The following ETS1 variants were observed in gnomAD, a reference collection of about 807,000 sequenced individuals.
ETS1 encodes the protein protein C-ets-1.
ETS1 carries 15 observed loss-of-function variants against 58.6 expected under a neutral mutation model. That is an observed-to-expected ratio of 0.26 (90% CI 0.17 to 0.39). The LOEUF is 0.39. Among genes scored for constraint, ETS1 ranks in the 10% least tolerant of loss-of-function variants. The pLI, the probability that ETS1 is intolerant of heterozygous loss-of-function variation, is 1.00. For synonymous variants in ETS1, 214 were observed against 218.2 expected, an observed-to-expected ratio of 0.98 and a Z score of 0.17; for missense variants, 417 against 610.5, an observed-to-expected ratio of 0.68 and a Z score of 3.34.
intron 3 of ETS1, among the ~76,000 whole-genome samples, chr11:128,547,134 A>G (rs766272838): frequency 5.8e-4 from 88 of 152,238 alleles, no homozygotes; most frequent in Non-Finnish European, 1.1e-3. Context: ...CTTGGGACTG[A>G]CCAGAGCAGG....
At chr11:128,499,943 G>C (rs1461901536) in intron 3 of ETS1, among the ~76,000 whole-genome samples, 1 of 152,230 alleles carries the variant, frequency 6.6e-6, no homozygotes, top group African/African-American at 2.4e-5. Context: ...GGCTGGAAGA[G>C]GTAAAGTTTT....
At position 128,484,817 on chromosome 11, in the gene ETS1, A is replaced by T. The variant is rs2135450390; in HGVS notation, c.862+6T>A. ...CAAGAGCTTTTAGAGAAGAAATATG[A>T]CCTACCACGACTGGTCCTCCCCATG... On this transcript the variant is annotated splice_donor_region_variant and intron_variant, in intron 7 of 9. Coordinates refer to ENST00000392668, the MANE Select transcript of ETS1 (RefSeq NM_001143820.2). 1.2e-6 allele frequency: 2 copies of T among 1,611,834 alleles called. No individual in the cohort carries two copies. Among genetic ancestry groups the T allele is most frequent in the East Asian group, 4.5e-5 (2 of 44,808 alleles).
intron 4 of ETS1, 121 bp downstream of exon 4, chr11:128,490,336 C>T: frequency 2.1e-6 from 2 of 966,488 alleles, no homozygotes; most frequent in South Asian, 3.1e-5. Flanking sequence ...GCAGCCATGG[C>T]CCATAGCTGC....
chr11:128,582,425 C>T (rs553758637), intron 1 of ETS1, among the ~76,000 whole-genome samples: 1 of 152,036 alleles, frequency 6.6e-6, no homozygotes, highest in African/African-American at 2.4e-5. Flanking sequence ...GTTATTATTG[C>T]TATTTTATCA....
intron 2 of ETS1, among the ~76,000 whole-genome samples, chr11:128,559,161 G>C (rs1465402857): frequency 1.3e-5 from 2 of 152,184 alleles, no homozygotes; most frequent in Non-Finnish European, 2.9e-5. Flanking sequence ...TAGGGTGGTG[G>C]GAACCTAAGA....
chr11:128,500,682 C>T (rs1863063928), intron 3 of ETS1, among the ~76,000 whole-genome samples: 1 of 152,106 alleles, frequency 6.6e-6, no homozygotes, highest in African/African-American at 2.4e-5. Flanking sequence ...CCCAGGGAAA[C>T]CACAATGAAA....
intron 3 of ETS1, among the ~76,000 whole-genome samples, chr11:128,510,231 C>G (rs2135498478): frequency 6.6e-6 from 1 of 152,304 alleles, no homozygotes; most frequent in South Asian, 2.1e-4. Flanking sequence ...CTTGAATCAC[C>G]AAAGACTCCA....
intron 3 of ETS1, among the ~76,000 whole-genome samples, chr11:128,533,415 T>C (rs1362515952): frequency 1.3e-5 from 2 of 152,172 alleles, no homozygotes; most frequent in Non-Finnish European, 2.9e-5. Flanking sequence ...TAAACTCCCT[T>C]AGATACTCCT....
chr11:128,491,905 T>C (rs919439764), intron 3 of ETS1, among the ~76,000 whole-genome samples: 1 of 152,208 alleles, frequency 6.6e-6, no homozygotes, highest in Non-Finnish European at 1.5e-5. Flanking sequence ...TGCACCTTAA[T>C]CTCTGCTATG....
chr11:128,585,052 GAAAGAAAGAAAGAAAGAAAGAAAGAGAAA>G (rs1864966620), intron 1 of ETS1, among the ~76,000 whole-genome samples: 1 of 19,964 alleles, frequency 5.0e-5, no homozygotes, highest in African/African-American at 4.9e-4. Flanking sequence ...AAGAAAGAAA[GAAAGAAAGAAAGAAAGAAAGAAAGAGAAA>G]GAAAGAAAGG....
intron 2 of ETS1, among the ~76,000 whole-genome samples, chr11:128,564,064 T>G (rs1448993676): frequency 2.8e-5 from 1 of 35,242 alleles, no homozygotes; most frequent in Non-Finnish European, 5.7e-5. Flanking sequence ...ACAGTTTTGG[T>G]CAGAGGTATT....
intron 3 of ETS1, 56 bp from the exon 4 acceptor site, chr11:128,490,632 A>T (rs1289859184): frequency 7.1e-7 from 1 of 1,418,250 alleles, no homozygotes; most frequent in African/African-American, 1.4e-5. Context: ...TGAACCAATC[A>T]TAAAACATTA....
intron 3 of ETS1, among the ~76,000 whole-genome samples, chr11:128,552,617 G>C (rs2135554165): frequency 6.6e-6 from 1 of 152,318 alleles, no homozygotes; most frequent in South Asian, 2.1e-4. Flanking sequence ...CTTTGGAAGA[G>C]TGCTAAGTAA....
chr11:128,493,735 T>A (rs1862865260), intron 3 of ETS1, among the ~76,000 whole-genome samples: 1 of 152,244 alleles, frequency 6.6e-6, no homozygotes, highest in South Asian at 2.1e-4. Flanking sequence ...CTCCCTTCTA[T>A]AACTAAGTGA....
intron 3 of ETS1, among the ~76,000 whole-genome samples, chr11:128,555,290 AT>A (rs1200918574): frequency 6.6e-6 from 1 of 152,148 alleles, no homozygotes; most frequent in Non-Finnish European, 1.5e-5. Flanking sequence ...GCAAACATTT[AT>A]TTTACTTCTC....
intron 3 of ETS1, among the ~76,000 whole-genome samples, chr11:128,506,312 G>A (rs1863229666): frequency 6.6e-6 from 1 of 152,146 alleles, no homozygotes; most frequent in South Asian, 2.1e-4. Flanking sequence ...AAAAGTAAAT[G>A]TTAGAGAGAG....
chr11:128,506,722 G>A (rs1863246525), intron 3 of ETS1, among the ~76,000 whole-genome samples: 1 of 152,100 alleles, frequency 6.6e-6, no homozygotes, highest in South Asian at 2.1e-4. Context: ...TGGAAGCCCC[G>A]CGATGCTCAC....
At chr11:128,580,777 T>C (rs1024562256) in intron 1 of ETS1, among the ~76,000 whole-genome samples, 1 of 152,220 alleles carries the variant, frequency 6.6e-6, no homozygotes, top group Non-Finnish European at 1.5e-5. Flanking sequence ...ACAATTAACA[T>C]CTCAGTCTTT....
chr11:128,492,811 G>C (rs1228940566), intron 3 of ETS1, among the ~76,000 whole-genome samples: 1 of 152,128 alleles, frequency 6.6e-6, no homozygotes, highest in Non-Finnish European at 1.5e-5. Flanking sequence ...TTAGAGAAAA[G>C]GGCTCTCTAG....
Sources: gnomAD v4.1 joint callset for allele counts (sites outside exome capture counted in the v4.1 genomes callset) on GRCh38, gnomAD v4.1.1 for gene constraint, MANE v1.5 for transcripts, NCBI Gene and HGNC (gene_info 2026-07-23, HGNC 2026-07-21) for gene names.